Variants in UBXN2B observed in about 807,000 individuals in gnomAD.
UBXN2B encodes the protein UBX domain-containing protein 2B.
In UBXN2B, 19 loss-of-function variants were observed where a neutral mutation model predicts 37.5. That is an observed-to-expected ratio of 0.51 (90% CI 0.35 to 0.74). UBXN2B has a LOEUF of 0.74. Among genes scored for constraint, UBXN2B ranks in the 30% least tolerant of loss-of-function variants. The pLI, the probability that UBXN2B is intolerant of heterozygous loss-of-function variation, is 0.01. For synonymous variants in UBXN2B, 145 were observed against 143.8 expected, an observed-to-expected ratio of 1.01 and a Z score of -0.06; for missense variants, 370 against 393.2, an observed-to-expected ratio of 0.94 and a Z score of 0.50.
At chr8:58,431,427 G>T (rs985989369) in intron 3 of UBXN2B, among the ~76,000 whole-genome samples, 1 of 152,128 alleles carries the variant, frequency 6.6e-6, no homozygotes, top group Non-Finnish European at 1.5e-5. Flanking sequence ...TTTAATTCCC[G>T]AGTAGCATTT....
chr8:58,436,649 G>C (rs1280333107), intron 5 of UBXN2B, among the ~76,000 whole-genome samples: 1 of 152,176 alleles, frequency 6.6e-6, no homozygotes, highest in Non-Finnish European at 1.5e-5. Context: ...CAAATGGCTT[G>C]GTGCCATCCC....
At chr8:58,417,111 TG>T (rs1258313261) in intron 2 of UBXN2B, among the ~76,000 whole-genome samples, 158 bp downstream of exon 2, 6 of 152,158 alleles carry the variant, frequency 3.9e-5, no homozygotes, top group African/African-American at 1.4e-4. Context: ...AAAATAGAAA[TG>T]ATTAATATCA....
intron 1 of UBXN2B, among the ~76,000 whole-genome samples, chr8:58,414,702 A>G (rs1748631636): frequency 6.6e-6 from 1 of 152,046 alleles, no homozygotes; most frequent in African/African-American, 2.4e-5. Flanking sequence ...ATGCCATATG[A>G]TGCCATATGG....
intron 2 of UBXN2B, chr8:58,424,744 G>A: frequency 7.2e-7 from 1 of 1,383,870 alleles, no homozygotes; most frequent in East Asian, 2.3e-5. Flanking sequence ...CTTAATATTT[G>A]TATATTCATG....
chr8:58,444,458 G>A (rs1269794522), intron 6 of UBXN2B, among the ~76,000 whole-genome samples: 1 of 152,198 alleles, frequency 6.6e-6, no homozygotes, highest in Non-Finnish European at 1.5e-5. Flanking sequence ...CCAGCTCTGA[G>A]AACCATGCTG....
chr8:58,437,950 GC>G (rs35647877), intron 5 of UBXN2B, among the ~76,000 whole-genome samples: 23,331 of 143,798 alleles, frequency 0.16, 2,059 homozygotes, highest in African/African-American at 0.24. Context: ...CTTTAAGGCA[GC>G]CCCCCCCCCA....
intron 6 of UBXN2B, among the ~76,000 whole-genome samples, chr8:58,441,293 C>T (rs1233733966): frequency 1.4e-5 from 2 of 146,696 alleles, no homozygotes; most frequent in African/African-American, 5.2e-5. Context: ...TATGCCTGGC[C>T]AGGCTTCTCT....
In UBXN2B at chr8:58,447,735, A is replaced by G. The variant is rs1808713341; in HGVS notation, c.*184A>G. On this transcript the variant is annotated 3_prime_UTR_variant, in exon 8 of 8. Coordinates refer to ENST00000399598, the MANE Select transcript of UBXN2B (RefSeq NM_001077619.2). ...ATTTGGATTAGGAATAGACCTTGAGATAAGTATGTTTGAGTTTTTAGTTGA... is the reference window on the plus strand; with the variant it reads ...ATTTGGATTAGGAATAGACCTTGAGGTAAGTATGTTTGAGTTTTTAGTTGA... 2.0e-6 allele frequency: 1 copy of G among 501,438 alleles called. No individual in the cohort carries two copies. Among genetic ancestry groups the G allele is most frequent in the African/African-American group, 1.9e-5 (1 of 51,494 alleles). 31.1% of individuals were successfully genotyped at this position (501,438 alleles called of 1,614,324 possible). A position where few individuals can be genotyped will look rare whatever the true frequency, so the allele number is the denominator to read the frequency against.
chr8:58,428,020 A>G (rs1244206144), intron 2 of UBXN2B, among the ~76,000 whole-genome samples: 3 of 152,242 alleles, frequency 2.0e-5, no homozygotes, highest in East Asian at 3.8e-4. Context: ...AAGGGAGAAG[A>G]AGGATAGGCT....
At chr8:58,438,416 A>G (rs190223815) in intron 5 of UBXN2B, among the ~76,000 whole-genome samples, 1 of 152,196 alleles carries the variant, frequency 6.6e-6, no homozygotes, top group African/African-American at 2.4e-5. Context: ...CCCATGAGAG[A>G]AGCCACAGGG....
At chr8:58,436,866 T>G (rs994417831) in intron 5 of UBXN2B, among the ~76,000 whole-genome samples, 6 of 152,250 alleles carry the variant, frequency 3.9e-5, no homozygotes, top group African/African-American at 1.4e-4. Context: ...TGCAGAACCA[T>G]GAGCCAAAAT....
chr8:58,431,377 A>C (rs1235819398), intron 3 of UBXN2B, among the ~76,000 whole-genome samples: 3 of 152,194 alleles, frequency 2.0e-5, no homozygotes, highest in Non-Finnish European at 2.9e-5. Context: ...TGCCCTTCAG[A>C]TCTGTCAGAG....
chr8:58,425,788 A>G, intron 2 of UBXN2B: 1 of 1,171,718 alleles, frequency 8.5e-7, no homozygotes. Context: ...AATGTTCCAC[A>G]AGATCTGTCA....
chr8:58,424,468 A>C (rs1399889608), intron 2 of UBXN2B: 1 of 584,144 alleles, frequency 1.7e-6, no homozygotes, highest in Non-Finnish European at 3.1e-6. Context: ...AGTCAACCAC[A>C]ATGCAAGCCT....
At chr8:58,432,721 A>G (rs1252866787) in intron 3 of UBXN2B, among the ~76,000 whole-genome samples, 2 of 152,150 alleles carry the variant, frequency 1.3e-5, no homozygotes, top group Non-Finnish European at 2.9e-5. Context: ...TTGATATACT[A>G]AAGACGAACA....
At chr8:58,436,578 T>G (rs1360317250) in intron 5 of UBXN2B, among the ~76,000 whole-genome samples, 1 of 152,212 alleles carries the variant, frequency 6.6e-6, no homozygotes, top group Non-Finnish European at 1.5e-5. Flanking sequence ...TGTTGAAATG[T>G]GACCTCCACT....
intron 1 of UBXN2B, 100 bp downstream of exon 1, chr8:58,411,569 C>G: frequency 1.0e-6 from 1 of 986,730 alleles, no homozygotes; most frequent in Non-Finnish European, 1.3e-6. Flanking sequence ...TCGGCGGAGC[C>G]TTTCCCCGAC....
chr8:58,426,190 A>G, intron 2 of UBXN2B: 1 of 659,918 alleles, frequency 1.5e-6, no homozygotes, highest in Non-Finnish European at 2.8e-6. Context: ...AGTAATCACC[A>G]GTGTTCTGAA....
intron 3 of UBXN2B, among the ~76,000 whole-genome samples, chr8:58,432,375 CTTTTTTTTTTTTT>C (rs34018318): frequency 1.2e-5 from 1 of 81,520 alleles, no homozygotes; most frequent in Non-Finnish European, 2.1e-5. Flanking sequence ...TTCTAAATTT[CTTTTTTTTTTTTT>C]TTTTTTTTTT....
Sources: gnomAD v4.1 joint callset for allele counts (sites outside exome capture counted in the v4.1 genomes callset) on GRCh38, gnomAD v4.1.1 for gene constraint, MANE v1.5 for transcripts, NCBI Gene and HGNC (gene_info 2026-07-23, HGNC 2026-07-21) for gene names.